C9orf85: variants seen among roughly 807,000 people sequenced by gnomAD.
C9orf85 encodes the protein chromosome 9 open reading frame 85.
Under a neutral mutation model 14.9 loss-of-function variants are expected in C9orf85, and 16 were observed. The ratio of observed to expected loss-of-function variants is 1.08; its 90% CI spans 0.73 to 1.63. C9orf85 has a LOEUF of 1.63. Among genes scored for constraint, C9orf85 ranks in the 40% most tolerant of loss-of-function variants. The pLI, the probability that C9orf85 is intolerant of heterozygous loss-of-function variation, is 0.00. For synonymous variants in C9orf85, 45 were observed against 56.8 expected (o/e 0.79, Z 0.93); for missense variants, 172 against 186.1 (o/e 0.92, Z 0.44).
At chr9:71,945,044 GAATGCTTCCTAGTTAACAA>G (rs1239109805) in intron 1 of C9orf85, among the ~76,000 whole-genome samples, 2 of 152,130 alleles carry the variant, frequency 1.3e-5, no homozygotes, top group African/African-American at 4.8e-5. Flanking sequence ...AGGAACCAAA[GAATGCTTCCTAGTTAACAA>G]GCAGAATGTG....
chr9:71,957,561 G>A (rs114150679), intron 2 of C9orf85, among the ~76,000 whole-genome samples: 1,994 of 152,290 alleles, frequency 0.013, 46 homozygotes, highest in African/African-American at 0.046. Context: ...CCTCTCTTTA[G>A]ATGAGTGTGT....
chr9:71,931,970 G>A (rs555022264), intron 1 of C9orf85, among the ~76,000 whole-genome samples: 3 of 152,202 alleles, frequency 2.0e-5, no homozygotes, highest in East Asian at 3.9e-4. Context: ...AGGATCATCT[G>A]GAAAGCTTGT....
Position 71,925,218 on chromosome 9 carries a change from A to G in C9orf85, c.102+13382A>G, listed in dbSNP as rs1827902282. Among the ~76,000 whole-genome samples the G allele has an allele frequency of 2.0e-5, 3 of 152,232 alleles. 1 individual carries two copies. In the South Asian group the frequency reaches 6.2e-4, roughly 31 times the overall value. On this transcript the variant is annotated intron_variant, in intron 1 of 3. Coordinates refer to ENST00000334731, the MANE Select transcript of C9orf85 (RefSeq NM_182505.5). ...ATTCAAAATGGCTGACTGAACATGT[A>G]CTTAAAATTTTCCTTTTCTTGGCTG...
rs1181635664 is a variant in C9orf85, at chr9:71,971,558, C to A, written c.263C>A (p.Pro88Gln). ...VKDSYHIMCR[P>Q]CACELEVCAK... ...GATTCTTATCACATAATGTGCAGGCCATGTGCCTGTGAACTTGAAGTTTGC... is the reference window on the plus strand; with the variant it reads ...GATTCTTATCACATAATGTGCAGGCAATGTGCCTGTGAACTTGAAGTTTGC... The change falls in exon 3 of 4, where the codon CCA becomes CAA. Residue 88 changes from proline (P) to glutamine (Q), a missense_variant. Transcript: ENST00000334731. The A allele has an allele frequency of 6.2e-7, 1 of 1,611,588 alleles. No individual in the cohort carries two copies. Among genetic ancestry groups the A allele is most frequent in the Admixed American group, 1.7e-5 (1 of 59,790 alleles).
intron 1 of C9orf85, among the ~76,000 whole-genome samples, chr9:71,938,748 T>C (rs1420702833): frequency 1.3e-5 from 2 of 151,728 alleles, no homozygotes; most frequent in African/African-American, 2.4e-5. Context: ...TGTATAAATA[T>C]AATGGGATGA....
chr9:71,917,516 T>C (rs1056358569), intron 1 of C9orf85, among the ~76,000 whole-genome samples: 1 of 152,260 alleles, frequency 6.6e-6, no homozygotes, highest in Non-Finnish European at 1.5e-5. Flanking sequence ...CACACACCTT[T>C]ATTCACAGTT....
intron 2 of C9orf85, among the ~76,000 whole-genome samples, chr9:71,949,623 G>C (rs553113250): frequency 4.6e-5 from 7 of 152,276 alleles, no homozygotes; most frequent in Admixed American, 3.3e-4. Context: ...TTTAATGTAA[G>C]CTTTTTGTGA....
At chr9:71,963,113 T>G (rs7046138) in intron 2 of C9orf85, among the ~76,000 whole-genome samples, 4,810 of 152,108 alleles carry the variant, frequency 0.032, 267 homozygotes, top group African/African-American at 0.11. Context: ...ATCTTAAGCG[T>G]TTTTTGTTTT....
At chr9:71,948,004 C>T (rs1822143440) in intron 2 of C9orf85, among the ~76,000 whole-genome samples, 2 of 152,220 alleles carry the variant, frequency 1.3e-5, no homozygotes, top group African/African-American at 4.8e-5. Flanking sequence ...TCCTCTACAG[C>T]TCCCTGACAT....
At chr9:71,958,919 T>C (rs1822444016) in intron 2 of C9orf85, among the ~76,000 whole-genome samples, 1 of 152,172 alleles carries the variant, frequency 6.6e-6, no homozygotes, top group Admixed American at 6.5e-5. Context: ...GTTGAGAACT[T>C]GGATCTTCAT....
intron 2 of C9orf85, among the ~76,000 whole-genome samples, chr9:71,952,186 T>C (rs930829376): frequency 1.3e-5 from 2 of 152,182 alleles, no homozygotes; most frequent in African/African-American, 4.8e-5. Context: ...TCCTTTTCTC[T>C]CAGTGATTTC....
downstream of C9orf85, chr9:71,984,308 A>G (rs1200353378): frequency 6.6e-6 from 1 of 152,182 alleles, no homozygotes; most frequent in Non-Finnish European, 1.5e-5. Context: ...AGTTTTTTAA[A>G]TATCTTACAT....
chr9:71,947,631 T>TC (rs895972692), intron 2 of C9orf85, among the ~76,000 whole-genome samples: 5 of 151,764 alleles, frequency 3.3e-5, no homozygotes, highest in Non-Finnish European at 5.9e-5. Flanking sequence ...CATCCCTAAA[T>TC]CCTTTTTTTT....
intron 2 of C9orf85, among the ~76,000 whole-genome samples, chr9:71,953,989 G>C (rs563232883): frequency 4.6e-5 from 7 of 151,944 alleles, no homozygotes; most frequent in African/African-American, 1.7e-4. Flanking sequence ...GGTCCTAGCT[G>C]CTCGGGAGAC....
At chr9:71,983,333 A>G (rs1307403605), downstream of C9orf85, 1 of 152,198 alleles carries the variant, frequency 6.6e-6, no homozygotes, top group East Asian at 1.9e-4. Context: ...CCAATCCTAT[A>G]TCTTCACTGG....
At chr9:71,963,173 A>G (rs2132340768) in intron 2 of C9orf85, among the ~76,000 whole-genome samples, 1 of 152,260 alleles carries the variant, frequency 6.6e-6, no homozygotes, top group East Asian at 1.9e-4. Context: ...GTATAATTTG[A>G]TGCTACTGTT....
intron 2 of C9orf85, among the ~76,000 whole-genome samples, chr9:71,968,243 C>T (rs1445864015): frequency 6.6e-6 from 1 of 151,776 alleles, no homozygotes; most frequent in African/African-American, 2.4e-5. Context: ...ATTAGAAATA[C>T]TCATCTGTCA....
intron 2 of C9orf85, among the ~76,000 whole-genome samples, chr9:71,965,256 A>G (rs1822658495): frequency 6.6e-6 from 1 of 152,062 alleles, no homozygotes; most frequent in Non-Finnish European, 1.5e-5. Context: ...ATGATTGGCT[A>G]TTTCTTTACC....
At chr9:71,972,551 T>A in intron 3 of C9orf85, 141 bp from the exon 4 acceptor site, 2 of 479,218 alleles carry the variant, frequency 4.2e-6, no homozygotes, top group East Asian at 4.7e-5. Flanking sequence ...GAGCCACCAC[T>A]CCCAGGTGGA....
Sources: allele counts gnomAD v4.1 joint callset (sites outside exome capture counted in the v4.1 genomes callset), GRCh38; gene constraint gnomAD v4.1.1; transcripts MANE v1.5; gene names NCBI Gene and HGNC (gene_info 2026-07-23, HGNC 2026-07-21).